The following PCDHGA3 variants were observed in gnomAD, a reference collection of about 807,000 sequenced individuals.
PCDHGA3 encodes the protein protocadherin gamma-A3.
A neutral mutation model predicts 58.5 loss-of-function variants in PCDHGA3; 40 were observed. The ratio of observed to expected loss-of-function variants is 0.68; its 90% CI spans 0.53 to 0.89. The LOEUF (loss-of-function observed/expected upper bound fraction) is 0.89, where lower values mean the gene tolerates loss of function less well. Among genes scored for constraint, PCDHGA3 ranks in the 40% least tolerant of loss-of-function variants. The pLI is 0.00. For synonymous variants in PCDHGA3, 530 were observed against 525.7 expected, an observed-to-expected ratio of 1.01 and a Z score of -0.11; for missense variants, 1,223 against 1,195.9, an observed-to-expected ratio of 1.02 and a Z score of -0.33.
At chr5:141,356,605 G>A in intron 1 of PCDHGA3, 1 of 1,614,126 alleles carries the variant, frequency 6.2e-7, no homozygotes, top group Non-Finnish European at 8.5e-7. Flanking sequence ...CCCCAGAGGA[G>A]CCTCCATCTT....
chr5:141,395,041 T>C (rs2093154278), intron 1 of PCDHGA3: 1 of 1,613,994 alleles, frequency 6.2e-7, no homozygotes, highest in South Asian at 1.1e-5. Flanking sequence ...TTTGTGGGTG[T>C]TGAGGAGGTA....
chr5:141,355,445 G>A (rs1309523681), intron 1 of PCDHGA3: 4 of 1,613,988 alleles, frequency 2.5e-6, no homozygotes, highest in Non-Finnish European at 3.4e-6. Context: ...CCGCGCAGCG[G>A]CACCTTGGTC....
chr5:141,405,176 G>A (rs917679696), intron 1 of PCDHGA3: 3 of 1,614,068 alleles, frequency 1.9e-6, no homozygotes, highest in Non-Finnish European at 2.5e-6. Context: ...ACACTTTGTG[G>A]GTGTAGATGG....
rs539905795 is a variant in PCDHGA3, at chr5:141,419,910, C to T, written c.2424+73453C>T. 1.5e-5 allele frequency: 25 copies of T among 1,614,086 alleles called. No individual in the cohort carries two copies. In the South Asian group the frequency reaches 2.4e-4, roughly 16 times the overall value. On this transcript the variant is annotated intron_variant, in intron 1 of 3. Coordinates refer to ENST00000253812, the MANE Select transcript of PCDHGA3 (RefSeq NM_018916.4). ...AGCGACCATCCCACACCCTCTGACT[C>T]CCAGGCTGAGATGCAGTTTTACCTG...
Position 141,489,992 on chromosome 5 carries a change from TC to T in PCDHGA3, c.2425-4812del. The T allele has an allele frequency of 6.2e-7, 1 of 1,614,216 alleles. No individual in the cohort carries two copies. The highest frequency in any genetic ancestry group is 8.5e-7 in the Non-Finnish European group (1 of 1,180,016). On this transcript the variant is annotated intron_variant, in intron 1 of 3. Coordinates refer to ENST00000253812, the MANE Select transcript of PCDHGA3 (RefSeq NM_018916.4). The surrounding 1 kb of genome is among the most constrained non-coding windows in gnomAD (Gnocchi z 4.5). The stretch of plus-strand genomic sequence containing the variant: ...CAATCCTCAGTTCTACGTGTGGGAA[TC>T]CCAGAGAATGCACCCATTGGTACTC...
At chr5:141,433,732 G>A (rs1181042854) in intron 1 of PCDHGA3, among the ~76,000 whole-genome samples, 2 of 151,886 alleles carry the variant, frequency 1.3e-5, no homozygotes, top group Non-Finnish European at 2.9e-5. Flanking sequence ...AGCTACTTGG[G>A]AGGCTGAGTC....
At chr5:141,374,600 A>T (rs1770639456) in intron 1 of PCDHGA3, 1 of 1,613,658 alleles carries the variant, frequency 6.2e-7, no homozygotes, top group Admixed American at 1.7e-5. Flanking sequence ...ATTTAAGCTC[A>T]GTGGTAATAG....
chr5:141,484,530 A>G (rs1406516272), intron 1 of PCDHGA3, among the ~76,000 whole-genome samples: 1 of 152,200 alleles, frequency 6.6e-6, no homozygotes, highest in East Asian at 1.9e-4. Context: ...TTTTGAGTAT[A>G]TGGCAGTGGT....
intron 1 of PCDHGA3, chr5:141,375,280 C>A (rs771324220): frequency 6.2e-7 from 1 of 1,613,794 alleles, no homozygotes; most frequent in Admixed American, 1.7e-5. Flanking sequence ...AATCAGTTGG[C>A]AATTATTATC....
chr5:141,479,435 G>C (rs2099495981), intron 1 of PCDHGA3: 1 of 152,218 alleles, frequency 6.6e-6, no homozygotes, highest in Non-Finnish European at 1.5e-5. Context: ...TCAATCCACT[G>C]TCTGCACTAA....
chr5:141,447,849 G>A (rs2154561912), intron 1 of PCDHGA3, among the ~76,000 whole-genome samples: 1 of 152,306 alleles, frequency 6.6e-6, no homozygotes, highest in East Asian at 1.9e-4. Context: ...GCTTTGGGAG[G>A]CCGAGGTGGG....
chr5:141,344,797 T>C lies in PCDHGA3; in HGVS notation c.764T>C (p.Val255Ala), dbSNP rs1757473656. The C allele has an allele frequency of 1.2e-6, 2 of 1,613,978 alleles. No homozygotes were observed. Among genetic ancestry groups the C allele is most frequent in the Non-Finnish European group, 1.7e-6 (2 of 1,179,890 alleles). The change falls in exon 1 of 4, where the codon GTG becomes GCG. Residue 255 changes from valine (V) to alanine (A), a missense_variant. Physicochemically the swap from Val to Ala is moderately conservative, Grantham distance 64. Around this residue, in one of 3 missense-constraint regions of PCDHGA3, gnomAD observed 791 missense variants for 708.5 expected, o/e 1.12. Coordinates refer to ENST00000253812, the MANE Select transcript of PCDHGA3 (RefSeq NM_018916.4). Reference sequence around the variant, plus strand: ...TACCGTGTGAGTGTTTGGGAGAACGTGCCTGTGGGTACCCGGCTGCTCACG... The same window carrying C: ...TACCGTGTGAGTGTTTGGGAGAACGCGCCTGTGGGTACCCGGCTGCTCACG... ...PEYRVSVWENVPVGTRLLTVN... is the reference protein window; with the variant it reads ...PEYRVSVWENAPVGTRLLTVN...
chr5:141,467,055 C>CTTTTT (rs1193465269), intron 1 of PCDHGA3, among the ~76,000 whole-genome samples: 1 of 134,496 alleles, frequency 7.4e-6, no homozygotes, highest in Non-Finnish European at 1.6e-5. Context: ...TCAATGTTTT[C>CTTTTT]TTTTTTTTTT....
chr5:141,489,094 G>GAAT lies in PCDHGA3; in HGVS notation c.2425-5711_2425-5710insTAA, dbSNP rs2154581134. 5.1e-6 allele frequency: 2 copies of GAAT among 396,028 alleles called. No homozygotes were observed. Among genetic ancestry groups the GAAT allele is most frequent in the Non-Finnish European group, 9.0e-6 (2 of 221,296 alleles). 24.5% of individuals were successfully genotyped at this position (396,028 alleles called of 1,614,324 possible). Reference sequence around the variant, plus strand: ...CCCACCCCCGCCACTCGGTGACTAAGAACTGCTGCAAGCAGGCAAACCTCC... The same window carrying GAAT: ...CCCACCCCCGCCACTCGGTGACTAAGAATAACTGCTGCAAGCAGGCAAACCTCC... On this transcript the variant is annotated intron_variant, in intron 1 of 3. Coordinates refer to ENST00000253812, the MANE Select transcript of PCDHGA3 (RefSeq NM_018916.4). The surrounding 1 kb of genome is among the most constrained non-coding windows in gnomAD (Gnocchi z 4.5).
chr5:141,408,540 C>A (rs201370009), intron 1 of PCDHGA3: 1 of 1,614,046 alleles, frequency 6.2e-7, no homozygotes. Flanking sequence ...GTGGAAAATC[C>A]TTTAAATATT....
intron 1 of PCDHGA3, among the ~76,000 whole-genome samples, chr5:141,444,402 C>T (rs916833331): frequency 6.6e-6 from 1 of 151,932 alleles, no homozygotes; most frequent in African/African-American, 2.4e-5. Flanking sequence ...AACTCCCAAC[C>T]TCAGGTGATC....
chr5:141,400,776 G>T (rs1461818790), intron 1 of PCDHGA3: 3 of 557,594 alleles, frequency 5.4e-6, no homozygotes, highest in Non-Finnish European at 9.4e-6. Context: ...CATTTGGTGC[G>T]TTTTTTTGTC....
intron 1 of PCDHGA3, chr5:141,392,678 G>A: frequency 1.1e-6 from 1 of 941,110 alleles, no homozygotes; most frequent in Non-Finnish European, 1.5e-6. Flanking sequence ...CTGCTGGACT[G>A]CAGCGAAACC....
Position 141,345,684 on chromosome 5 carries a change from T to C in PCDHGA3, c.1651T>C (p.Phe551Leu). The part of the protein sequence containing the change: ...PLSSNVSLNL[F>L]VLDQNDNAPE... Reference sequence around the variant, plus strand: ...CAGCAGCAACGTGTCGCTGAACCTGTTCGTGCTGGACCAGAACGACAACGC... The same window carrying C: ...CAGCAGCAACGTGTCGCTGAACCTGCTCGTGCTGGACCAGAACGACAACGC... Residue 551 changes from phenylalanine (F) to leucine (L), a missense_variant, in exon 1 of 4, where the codon TTC becomes CTC. Transcript: ENST00000253812. 6.2e-7 allele frequency: 1 copy of C among 1,614,188 alleles called. No individual in the cohort carries two copies. The highest frequency in any genetic ancestry group is 8.5e-7 in the Non-Finnish European group (1 of 1,180,042).
Sources: allele counts gnomAD v4.1 joint callset (sites outside exome capture counted in the v4.1 genomes callset), GRCh38; gene constraint gnomAD v4.1.1; regional missense constraint gnomAD v4.1.1; non-coding constraint Gnocchi (gnomAD v3.1); transcripts MANE v1.5; gene names NCBI Gene and HGNC (gene_info 2026-07-23, HGNC 2026-07-21).